NAALADL2: variants seen among roughly 807,000 people sequenced by gnomAD.
The protein encoded by NAALADL2 is inactive N-acetylated-alpha-linked acidic dipeptidase-like protein 2.
In NAALADL2, 76 loss-of-function variants were observed where a neutral mutation model predicts 87.2. That is an observed-to-expected ratio of 0.87 (90% CI 0.72 to 1.05). The LOEUF (loss-of-function observed/expected upper bound fraction) is 1.05. NAALADL2 is among the 50% of genes least tolerant of loss of function. NAALADL2 has a pLI of 0.00. For missense variants in NAALADL2, 1,089 were observed against 945.8 expected (o/e 1.15, Z -1.99); for synonymous variants, 354 against 331.0 (o/e 1.07, Z -0.75).
chr3:174,990,670 T>C (rs1746611484), intron 1 of NAALADL2, among the ~76,000 whole-genome samples: 1 of 152,196 alleles, frequency 6.6e-6, no homozygotes, highest in African/African-American at 2.4e-5. Context: ...GAAACAGATA[T>C]AGGTATCATA....
At chr3:174,446,941 GT>G (rs1280575317) in intron 1 of NAALADL2, among the ~76,000 whole-genome samples, 5 of 152,270 alleles carry the variant, frequency 3.3e-5, no homozygotes, top group East Asian at 3.9e-4. Flanking sequence ...AAACCTTGTG[GT>G]TCTGGACCCC....
intron 1 of NAALADL2, among the ~76,000 whole-genome samples, chr3:174,496,806 T>A (rs1718568587): frequency 6.6e-6 from 1 of 152,120 alleles, no homozygotes; most frequent in African/African-American, 2.4e-5. Flanking sequence ...ACCTCCGTAA[T>A]TTTTGTGGAA....
intron 2 of NAALADL2, among the ~76,000 whole-genome samples, chr3:175,186,228 C>T (rs1156330730): frequency 1.3e-5 from 2 of 151,974 alleles, no homozygotes. Context: ...CTTCATTATA[C>T]AATAATCTTA....
Position 175,196,278 on chromosome 3 carries a change from G to A in NAALADL2, c.546-37653G>A, listed in dbSNP as rs13072550. Among the ~76,000 whole-genome samples the A allele has an allele frequency of 7.8e-3, 1,178 of 151,920 alleles. 2 individuals carry two copies. The highest frequency in any genetic ancestry group is 0.024 in the South Asian group (117 of 4,822). ...GTATTTCCACAAAACCATATAGTTA[G>A]CTTATTTCTTGCTGCCTTAAATCCT... is the stretch of plus-strand genomic sequence containing the variant. On this transcript the variant is annotated intron_variant, in intron 2 of 13. Coordinates refer to ENST00000454872, the MANE Select transcript of NAALADL2 (RefSeq NM_207015.3).
intron 1 of NAALADL2, among the ~76,000 whole-genome samples, chr3:174,912,398 G>C (rs982931664): frequency 1.3e-5 from 2 of 151,322 alleles, no homozygotes; most frequent in Non-Finnish European, 2.9e-5. Context: ...CCCCTCCTTA[G>C]GAATAGCAGA....
At position 174,784,735 on chromosome 3, in the gene NAALADL2, G is replaced by T. The variant is rs181136513; in HGVS notation, c.-9+46989G>T. Reference sequence around the variant, plus strand: ...GGACCAAATGTGAGTAATTCTTTATGCCCAAGCAGAGGTTTCCCTATTCAA... The same window carrying T: ...GGACCAAATGTGAGTAATTCTTTATTCCCAAGCAGAGGTTTCCCTATTCAA... On this transcript the variant is annotated intron_variant, in intron 3 of 3. Coordinates refer to the NAALADL2 transcript ENST00000434257. Among the ~76,000 whole-genome samples the T allele has an allele frequency of 1.2e-3, 181 of 152,260 alleles. 1 individual carries two copies. Among genetic ancestry groups the T allele is most frequent in the African/African-American group, 3.9e-3 (163 of 41,570 alleles).
intron 2 of NAALADL2, among the ~76,000 whole-genome samples, chr3:174,644,560 C>T (rs1723588288): frequency 6.6e-6 from 1 of 152,016 alleles, no homozygotes. Context: ...GCAGTTTAAA[C>T]CCAGGAGCCA....
intron 10 of NAALADL2, among the ~76,000 whole-genome samples, chr3:175,618,028 A>G (rs553359564): frequency 1.1e-4 from 17 of 152,270 alleles, no homozygotes; most frequent in African/African-American, 3.9e-4. Flanking sequence ...TTGGCACTAT[A>G]TGAGATAAAA....
At chr3:175,104,081 C>T (rs1196812578) in intron 2 of NAALADL2, among the ~76,000 whole-genome samples, 1 of 152,082 alleles carries the variant, frequency 6.6e-6, no homozygotes, top group African/African-American at 2.4e-5. Flanking sequence ...CTTTCCTGTG[C>T]AAACAGTTTT....
chr3:175,457,404 C>A (rs146132930), intron 6 of NAALADL2, among the ~76,000 whole-genome samples: 1 of 152,186 alleles, frequency 6.6e-6, no homozygotes, highest in East Asian at 1.9e-4. Flanking sequence ...ACTCAGTAAG[C>A]ATTTGAAATC....
Position 174,994,074 on chromosome 3 carries a change from C to T in NAALADL2, c.44-102716C>T, listed in dbSNP as rs535692264. ...GCTTGCATCTGCAAAGACCCTATTT[C>T]CAAATTCGATCACATTCACAGCTTC... On this transcript the variant is annotated intron_variant, in intron 1 of 13. Coordinates refer to ENST00000454872, the MANE Select transcript of NAALADL2 (RefSeq NM_207015.3). 2.4e-4 allele frequency among the ~76,000 whole-genome samples: 36 copies of T among 152,268 alleles called. No individual in the cohort carries two copies. In the South Asian group the frequency reaches 7.5e-3, roughly 32 times the overall value.
chr3:175,219,052 A>T (rs1249903081), intron 2 of NAALADL2, among the ~76,000 whole-genome samples: 2 of 152,040 alleles, frequency 1.3e-5, no homozygotes, highest in East Asian at 3.9e-4. Flanking sequence ...CAGACAATTG[A>T]GTCAGCTCCA....
intron 1 of NAALADL2, among the ~76,000 whole-genome samples, chr3:174,935,464 A>G (rs1737553993): frequency 6.6e-6 from 1 of 152,198 alleles, no homozygotes; most frequent in South Asian, 2.1e-4. Context: ...CTTATAGAAT[A>G]ATTTGATACG....
chr3:175,352,088 T>G (rs1419824547), intron 5 of NAALADL2, among the ~76,000 whole-genome samples: 1 of 151,916 alleles, frequency 6.6e-6, no homozygotes, highest in Non-Finnish European at 1.5e-5. Flanking sequence ...CTGCATAGAA[T>G]GAGGCTCTCT....
At chr3:175,686,448 T>A (rs1160850514) in intron 11 of NAALADL2, among the ~76,000 whole-genome samples, 2 of 152,276 alleles carry the variant, frequency 1.3e-5, no homozygotes, top group East Asian at 3.9e-4. Context: ...AATCTAACAA[T>A]AAGCAAGTAC....
intron 4 of NAALADL2, among the ~76,000 whole-genome samples, chr3:175,287,672 C>A (rs1755151996): frequency 6.6e-6 from 1 of 152,136 alleles, no homozygotes; most frequent in Admixed American, 6.5e-5. Context: ...AAAAGTTTAT[C>A]CAGAAAGCCC....
intron 13 of NAALADL2, among the ~76,000 whole-genome samples, chr3:175,785,268 T>C (rs1246585366): frequency 1.3e-5 from 2 of 150,408 alleles, no homozygotes; most frequent in Non-Finnish European, 2.9e-5. Flanking sequence ...TTGTTGACTT[T>C]CTGTCTTGTT....
intron 1 of NAALADL2, among the ~76,000 whole-genome samples, chr3:174,969,394 G>A (rs1203060869): frequency 1.3e-5 from 2 of 151,930 alleles, no homozygotes; most frequent in Admixed American, 6.6e-5. Flanking sequence ...AACTAAGTGC[G>A]AATTCCCATA....
At chr3:175,369,033 A>G (rs764106460) in intron 5 of NAALADL2, among the ~76,000 whole-genome samples, 22 of 152,302 alleles carry the variant, frequency 1.4e-4, no homozygotes, top group Non-Finnish European at 2.9e-4. Flanking sequence ...GCATTACTGT[A>G]GGCTTTATAA....
Sources: gnomAD v4.1 joint callset for allele counts (sites outside exome capture counted in the v4.1 genomes callset) on GRCh38, gnomAD v4.1.1 for gene constraint, MANE v1.5 for transcripts, NCBI Gene and HGNC (gene_info 2026-07-23, HGNC 2026-07-21) for gene names.